CD8B: variants seen among roughly 807,000 people sequenced by gnomAD.
The protein encoded by CD8B is T-cell surface glycoprotein CD8 beta chain.
Under a neutral mutation model 24.2 loss-of-function variants are expected in CD8B, and 6 were observed. The observed-to-expected ratio is 0.25, with a 90% CI of 0.14 to 0.49. CD8B has a LOEUF of 0.49. Ranked by LOEUF, CD8B falls within the 20% of genes least tolerant of loss-of-function variation. CD8B has a pLI of 0.98. For synonymous variants in CD8B, 84 were observed against 108.3 expected (o/e 0.78, Z 1.39); for missense variants, 196 against 271.3 (o/e 0.72, Z 1.95).
intron 2 of CD8B, among the ~76,000 whole-genome samples, chr2:86,853,736 C>T (rs569307457): frequency 1.5e-3 from 231 of 151,984 alleles, no homozygotes; most frequent in Non-Finnish European, 1.7e-3. Context: ...GACAAAGTCT[C>T]GCTCTGTAGC....
intron 1 of CD8B, among the ~76,000 whole-genome samples, chr2:86,859,428 C>T (rs958397304): frequency 5.3e-5 from 8 of 152,162 alleles, no homozygotes; most frequent in Non-Finnish European, 7.3e-5. Context: ...GGCCAGTCAC[C>T]GAGCCTCTGT....
intron 1 of CD8B, among the ~76,000 whole-genome samples, chr2:86,861,270 C>T (rs1159084638): frequency 1.3e-5 from 2 of 152,108 alleles, no homozygotes; most frequent in African/African-American, 4.8e-5. Flanking sequence ...CAGGCTGCTT[C>T]CTAGGGAGCC....
chr2:86,859,347 GA>G (rs1288402825), intron 1 of CD8B, among the ~76,000 whole-genome samples: 2 of 152,164 alleles, frequency 1.3e-5, no homozygotes, highest in Non-Finnish European at 2.9e-5. Flanking sequence ...GCTTATTCAT[GA>G]GGAGCTAGAG....
chr2:86,861,513 C>T (rs1676589674), intron 1 of CD8B, among the ~76,000 whole-genome samples: 1 of 152,242 alleles, frequency 6.6e-6, no homozygotes, highest in Admixed American at 6.5e-5. Flanking sequence ...CCCTGGTGAC[C>T]TCCAGCGACC....
chr2:86,844,036 G>A (rs1675555317), intron 5 of CD8B, among the ~76,000 whole-genome samples: 1 of 152,248 alleles, frequency 6.6e-6, no homozygotes, highest in South Asian at 2.1e-4. Flanking sequence ...ATAGGCAGAT[G>A]TGAAACAGTC....
At chr2:86,823,343 G>A (rs1413547175) in intron 5 of CD8B, among the ~76,000 whole-genome samples, 1 of 152,068 alleles carries the variant, frequency 6.6e-6, no homozygotes, top group African/African-American at 2.4e-5. Context: ...GCAGTGGCAC[G>A]ATCATGGCTC....
chr2:86,816,249 C>T (rs1261625571), intron 5 of CD8B, among the ~76,000 whole-genome samples: 1 of 152,174 alleles, frequency 6.6e-6, no homozygotes, highest in African/African-American at 2.4e-5. Flanking sequence ...ATTGTCATCA[C>T]AGGTTGGAAG....
At chr2:86,848,018 C>T (rs890584455) in intron 3 of CD8B, among the ~76,000 whole-genome samples, 5 of 152,096 alleles carry the variant, frequency 3.3e-5, no homozygotes, top group African/African-American at 1.2e-4. Context: ...ATGGATGTAC[C>T]ATGAGTTACT....
intron 2 of CD8B, among the ~76,000 whole-genome samples, chr2:86,857,098 C>T (rs1442627348): frequency 2.0e-5 from 3 of 151,838 alleles, no homozygotes; most frequent in Admixed American, 2.0e-4. Context: ...GCCATCAGCA[C>T]CCCCGTGTGA....
intron 5 of CD8B, among the ~76,000 whole-genome samples, chr2:86,829,795 G>A (rs571205173): frequency 4.6e-5 from 7 of 152,076 alleles, no homozygotes; most frequent in African/African-American, 7.2e-5. Flanking sequence ...CAACTGTTTC[G>A]GTAAATCTTT....
intron 5 of CD8B, among the ~76,000 whole-genome samples, chr2:86,818,490 C>T (rs187365857): frequency 6.6e-6 from 1 of 152,224 alleles, no homozygotes; most frequent in Admixed American, 6.5e-5. Flanking sequence ...TCTTGCAATA[C>T]CTCAAACTTT....
intron 1 of CD8B, among the ~76,000 whole-genome samples, chr2:86,861,255 A>C (rs1431573313): frequency 6.6e-6 from 1 of 151,532 alleles, no homozygotes; most frequent in African/African-American, 2.4e-5. Context: ...CAACAACCCA[A>C]CCTCCAGGCT....
chr2:86,845,383 C>T lies in CD8B; in HGVS notation c.584-425G>A, dbSNP rs577182624. Among the ~76,000 whole-genome samples the T allele has an allele frequency of 1.4e-4, 22 of 152,264 alleles. 1 individual carries two copies. In the South Asian group the frequency reaches 3.9e-3, roughly 27 times the overall value. On this transcript the variant is annotated intron_variant, in intron 4 of 5. Transcript: ENST00000390655. ...AGGGCAATTGCATTCAGAGGGTGAG[C>T]GAGATTTCCCACTGGGAGTTAGGAA... is the stretch of plus-strand genomic sequence containing the variant.
At chr2:86,844,814 A>G (rs1675595832) in intron 5 of CD8B, 108 bp downstream of exon 5, 3 of 1,546,898 alleles carry the variant, frequency 1.9e-6, no homozygotes, top group Admixed American at 2.0e-5. Context: ...GGCCGAGTCT[A>G]TGATCTTTGG....
chr2:86,833,673 GGCAGTGGGGA>G (rs1414640410), downstream of CD8B, among the ~76,000 whole-genome samples: 88 of 119,546 alleles, frequency 7.4e-4, no homozygotes, highest in African/African-American at 2.5e-3. Flanking sequence ...TTTCTTGGGG[GGCAGTGGGGA>G]CAGAGCCTTG....
exon 6 of CD8B, chr2:86,815,654 T>C: frequency 6.2e-7 from 1 of 1,613,748 alleles, no homozygotes; most frequent in East Asian, 2.2e-5. Context: ...GAGGTTGTAG[T>C]ATTGCTGTAG....
At chr2:86,849,608 G>A (rs1675872336) in intron 3 of CD8B, among the ~76,000 whole-genome samples, 1 of 152,090 alleles carries the variant, frequency 6.6e-6, no homozygotes, top group Admixed American at 6.6e-5. Context: ...TTACGGTAAC[G>A]GTCGCCCAAC....
At chr2:86,825,985 CG>C (rs1162372037) in intron 5 of CD8B, among the ~76,000 whole-genome samples, 3 of 152,032 alleles carry the variant, frequency 2.0e-5, no homozygotes, top group African/African-American at 7.2e-5. Flanking sequence ...CTGGAGCTCT[CG>C]GGGGGAAAAC....
At chr2:86,846,625 C>T (rs1026321634) in intron 4 of CD8B, 59 bp downstream of exon 4, 24 of 777,830 alleles carry the variant, frequency 3.1e-5, no homozygotes, top group Admixed American at 2.2e-4. Context: ...AGAAAATATC[C>T]CAGGGACACT....
Sources: gnomAD v4.1 joint callset for allele counts (sites outside exome capture counted in the v4.1 genomes callset) on GRCh38, gnomAD v4.1.1 for gene constraint, MANE v1.5 for transcripts, NCBI Gene and HGNC (gene_info 2026-07-23, HGNC 2026-07-21) for gene names.